The following MEIKIN variants were observed in gnomAD, a reference collection of about 807,000 sequenced individuals.
The protein encoded by MEIKIN is meiotic kinetochore factor, also known as meiosis-specific kinetochore protein.
At chr5:131,897,117 G>C (rs1022311681) in intron 8 of MEIKIN, among the ~76,000 whole-genome samples, 1 of 152,146 alleles carries the variant, frequency 6.6e-6, no homozygotes, top group Non-Finnish European at 1.5e-5. Context: ...GTCTGGAAAG[G>C]ATTTTATTTC....
At chr5:131,923,190 T>C (rs1049311391) in intron 5 of MEIKIN, among the ~76,000 whole-genome samples, 1 of 152,194 alleles carries the variant, frequency 6.6e-6, no homozygotes, top group Non-Finnish European at 1.5e-5. Context: ...TCCTGGTCCC[T>C]CTATATTTTT....
chr5:131,830,178 G>GC (rs1170770176), intron 11 of MEIKIN, among the ~76,000 whole-genome samples: 2 of 152,000 alleles, frequency 1.3e-5, no homozygotes, highest in African/African-American at 2.4e-5. Context: ...TCGCTTGATC[G>GC]CAAGAGTTTG....
At chr5:131,865,515 G>A (rs1008809614) in intron 9 of MEIKIN, among the ~76,000 whole-genome samples, 11 of 152,276 alleles carry the variant, frequency 7.2e-5, no homozygotes, top group South Asian at 4.1e-4. Flanking sequence ...CACTGCACCC[G>A]GCCATGAATT....
At chr5:131,944,894 C>T (rs538243179) in intron 2 of MEIKIN, 142 bp from the exon 3 acceptor site, 37 of 397,976 alleles carry the variant, frequency 9.3e-5, no homozygotes, top group Non-Finnish European at 1.5e-4. Context: ...TGCACCAAAA[C>T]CCAAATGCAG....
intron 12 of MEIKIN, among the ~76,000 whole-genome samples, chr5:131,809,700 G>A (rs1772916277): frequency 6.6e-6 from 1 of 152,014 alleles, no homozygotes; most frequent in African/African-American, 2.4e-5. Context: ...CAGCTACTCG[G>A]GAGGCTGAGG....
At chr5:131,938,409 C>A (rs1200790062) in intron 4 of MEIKIN, among the ~76,000 whole-genome samples, 2 of 152,202 alleles carry the variant, frequency 1.3e-5, no homozygotes, top group South Asian at 4.2e-4. Flanking sequence ...CTCAGGCAAT[C>A]CACCCGCCTC....
chr5:131,831,741 G>T (rs1354034933), intron 11 of MEIKIN, among the ~76,000 whole-genome samples: 1 of 152,140 alleles, frequency 6.6e-6, no homozygotes, highest in African/African-American at 2.4e-5. Flanking sequence ...CCACATGGCT[G>T]GGGAGGCCTC....
chr5:131,891,185 T>C (rs1750909730), intron 8 of MEIKIN, among the ~76,000 whole-genome samples: 2 of 152,226 alleles, frequency 1.3e-5, no homozygotes, highest in Admixed American at 6.5e-5. Flanking sequence ...GAAAAGAATG[T>C]ATATTCTGTT....
At chr5:131,917,563 CAAAAAAA>C (rs546218361) in intron 6 of MEIKIN, among the ~76,000 whole-genome samples, 4 of 76,776 alleles carry the variant, frequency 5.2e-5, no homozygotes, top group Non-Finnish European at 8.2e-5. Context: ...TACTCCATCT[CAAAAAAA>C]AAAAAAAAAA....
rs73788774 is a variant in MEIKIN at position 131,818,747 on chromosome 5, G to T, written c.1092C>A (p.Thr364=). 0.012 allele frequency: 4,961 copies of T among 397,728 alleles called. 225 individuals are homozygous for T. The highest frequency in any genetic ancestry group is 0.092 in the African/African-American group (4,488 of 48,590). The allele number at this position is 397,728 out of a possible 1,614,324, so 24.6% of individuals were successfully genotyped here. The part of the protein sequence containing the change: ...KKKKYSLPKD[T]PQDIIIKMA ...GCATTCATACTACAGTACCTTGAGG[G>T]GTATCCTTAGGAAGAGAATATTTCT... The change falls in exon 12 of 13, where the codon ACC becomes ACA. Residue 364 remains threonine (T), a synonymous_variant. Transcript: ENST00000442687.
chr5:131,845,272 T>TAAAAAAAAAAAAAAAAAAAAAAAA (rs1158220526), intron 11 of MEIKIN, among the ~76,000 whole-genome samples: 2 of 45,360 alleles, frequency 4.4e-5, no homozygotes, highest in African/African-American at 2.8e-4. Context: ...GACTTCGTCT[T>TAAAAAAAAAAAAAAAAAAAAAAAA]AAAAAAAAAA....
intron 8 of MEIKIN, among the ~76,000 whole-genome samples, chr5:131,895,425 C>T (rs1466234727): frequency 1.3e-5 from 2 of 152,180 alleles, no homozygotes. Context: ...GGAGGATTCC[C>T]TCTTTTTCTA....
At chr5:131,822,521 A>G (rs1228121371) in intron 11 of MEIKIN, among the ~76,000 whole-genome samples, 1 of 152,154 alleles carries the variant, frequency 6.6e-6, no homozygotes, top group Non-Finnish European at 1.5e-5. Flanking sequence ...ATTATTTTAA[A>G]CTGATGACAA....
intron 9 of MEIKIN, among the ~76,000 whole-genome samples, chr5:131,855,251 G>C (rs547846734): frequency 6.6e-6 from 1 of 152,258 alleles, no homozygotes; most frequent in Non-Finnish European, 1.5e-5. Flanking sequence ...GAAAGTATAA[G>C]TTATTTCTGG....
intron 8 of MEIKIN, among the ~76,000 whole-genome samples, chr5:131,889,089 T>C (rs868239632): frequency 1.3e-5 from 2 of 152,212 alleles, no homozygotes; most frequent in African/African-American, 2.4e-5. Context: ...TTGGTACCAG[T>C]ACCATGCTGT....
chr5:131,819,429 A>T (rs1446409981), intron 11 of MEIKIN, among the ~76,000 whole-genome samples: 1 of 47,514 alleles, frequency 2.1e-5, no homozygotes, highest in South Asian at 1.0e-3. Flanking sequence ...GGGGAGGGAG[A>T]GGGGGAGGGA....
At chr5:131,904,765 G>A (rs901344326) in intron 8 of MEIKIN, among the ~76,000 whole-genome samples, 1 of 152,162 alleles carries the variant, frequency 6.6e-6, no homozygotes, top group African/African-American at 2.4e-5. Flanking sequence ...TGATAGGCTG[G>A]ATTAAGAAAA....
intron 4 of MEIKIN, among the ~76,000 whole-genome samples, chr5:131,942,184 C>T (rs1184236836): frequency 6.6e-6 from 1 of 152,164 alleles, no homozygotes; most frequent in East Asian, 1.9e-4. Flanking sequence ...GTTGTCTAAT[C>T]CTGTCTTACA....
chr5:131,945,073 A>G (rs1430733569), intron 2 of MEIKIN, 83 bp downstream of exon 2: 7 of 398,912 alleles, frequency 1.8e-5, no homozygotes, highest in Non-Finnish European at 2.7e-5. Flanking sequence ...GACTGTTAGA[A>G]TAAAAGGCTA....
Sources: gnomAD v4.1 joint callset for allele counts (sites outside exome capture counted in the v4.1 genomes callset) on GRCh38, gnomAD v4.1.1 for gene constraint, MANE v1.5 for transcripts, NCBI Gene and HGNC (gene_info 2026-07-23, HGNC 2026-07-21) for gene names.